MAGED1: variants seen among roughly 807,000 people sequenced by gnomAD.
The protein encoded by MAGED1 is melanoma-associated antigen D1.
MAGED1 carries 3 observed loss-of-function variants against 54.1 expected under a neutral mutation model. The ratio of observed to expected loss-of-function variants is 0.06; its 90% CI spans 0.03 to 0.14. The LOEUF is 0.14. MAGED1 is among the 10% of genes least tolerant of loss of function. The pLI is 1.00. For missense variants in MAGED1, 485 were observed against 623.4 expected, an observed-to-expected ratio of 0.78 and a Z score of 2.36; for synonymous variants, 217 against 227.3, an observed-to-expected ratio of 0.95 and a Z score of 0.41.
intron 3 of MAGED1, chrX:51,896,011 A>C: frequency 1.3e-5 from 5 of 395,370 alleles, no homozygotes; most frequent in Non-Finnish European, 2.2e-5. Context: ...ACCATGTGTT[A>C]AGCCTTGAGC....
intron 1 of MAGED1, among the ~76,000 whole-genome samples, chrX:51,849,332 G>A (rs1455064997): frequency 9.1e-6 from 1 of 110,340 alleles, no homozygotes; most frequent in Admixed American, 9.7e-5. Context: ...GTAGGGAAAG[G>A]CCTCTTATTC....
Position 51,898,807 on chromosome X carries a change from A to G in MAGED1, c.1844+164A>G, listed in dbSNP as rs1393836683. The G allele has an allele frequency of 3.8e-5, 16 of 417,507 alleles. No individual in the cohort carries two copies. The Admixed American group carries it at 7.6e-4, about 20-fold the overall frequency. The allele number at this position is 417,507 out of a possible 1,213,427, so 34.4% of individuals were successfully genotyped here. A position where few individuals can be genotyped will look rare whatever the true frequency, so the allele number is the denominator to read the frequency against. On this transcript the variant is annotated intron_variant, in intron 10 of 12. Coordinates refer to ENST00000326587, the MANE Select transcript of MAGED1 (RefSeq NM_006986.4). ...CGCTTGAGCCCAGGAGTTCAAGACC[A>G]GCCTGGGCAACATAACGAAACCCCA...
rs1270540597 is a variant in MAGED1 at position 51,833,283 on chromosome X, G to A, written c.-37+30166G>A. On this transcript the variant is annotated intron_variant, in intron 1 of 12. Transcript: ENST00000375772. Reference sequence around the variant, plus strand: ...TTTTTTTTTCTACAGGAATAAGGTAGTGGAATTGCTCTCTGATACCCTAAG... The same window carrying A: ...TTTTTTTTTCTACAGGAATAAGGTAATGGAATTGCTCTCTGATACCCTAAG... 1.0e-4 allele frequency among the ~76,000 whole-genome samples: 11 copies of A among 108,971 alleles called. No individual in the cohort carries two copies. In the Admixed American group the frequency reaches 1.1e-3, roughly 11 times the overall value. 94.6% of individuals were successfully genotyped at this position (108,971 alleles called of 115,157 possible). A position where few individuals can be genotyped will look rare whatever the true frequency, so the allele number is the denominator to read the frequency against.
At chrX:51,860,259 C>T (rs1424965946) in intron 1 of MAGED1, among the ~76,000 whole-genome samples, 2 of 109,852 alleles carry the variant, frequency 1.8e-5, no homozygotes, top group Admixed American at 9.7e-5. Flanking sequence ...AGTGAGACTC[C>T]GTCTCAAAAA....
intron 10 of MAGED1, 110 bp from the exon 11 acceptor site, chrX:51,900,072 C>T: frequency 1.9e-6 from 1 of 518,276 alleles, no homozygotes. Flanking sequence ...GGAATGAGCC[C>T]AAGGGGGAGT....
intron 2 of MAGED1, chrX:51,894,669 C>T (rs1928626742): frequency 1.7e-6 from 2 of 1,184,317 alleles, no homozygotes; most frequent in Non-Finnish European, 2.3e-6. Flanking sequence ...CCTCCCCCAG[C>T]CTCCTGCCTC....
At position 51,819,965 on chromosome X, in the gene MAGED1, T is replaced by G. The variant is rs891268768; in HGVS notation, c.-37+16848T>G. On this transcript the variant is annotated intron_variant, in intron 1 of 12. Coordinates refer to the MAGED1 transcript ENST00000375772. Reference sequence around the variant, plus strand: ...GTAAATCTTTGATCTCTTTTGAGTTTATTTTTGTATGTGGTGTGAGATAGG... The same window carrying G: ...GTAAATCTTTGATCTCTTTTGAGTTGATTTTTGTATGTGGTGTGAGATAGG... 2.7e-5 allele frequency among the ~76,000 whole-genome samples: 3 copies of G among 112,160 alleles called. No individual in the cohort carries two copies. In the East Asian group the frequency reaches 8.4e-4, roughly 31 times the overall value.
At chrX:51,864,409 A>G (rs1927392354) in intron 1 of MAGED1, among the ~76,000 whole-genome samples, 1 of 111,484 alleles carries the variant, frequency 9.0e-6, no homozygotes, top group African/African-American at 3.3e-5. Context: ...TGCCAGTACC[A>G]TGTTGTTTTG....
chrX:51,896,994 A>C lies in MAGED1; in HGVS notation c.1339A>C (p.Asn447His), dbSNP rs1928786571. The part of the protein sequence containing the change: ...PDWQNLRPSP[N>H]LRPSPNSRAS... ...CTGGCAGAACCTGCGCCCCTCGCCT[A>C]ACCTGCGCCCTTCTCCCAACTCGCG... Residue 447 changes from asparagine to histidine, a missense_variant, in exon 4 of 13, where the codon AAC becomes CAC. Physicochemically the swap from Asn to His is moderately conservative, Grantham distance 68. Around this residue, in one of 2 missense-constraint regions of MAGED1, gnomAD observed 186 missense variants for 330.3 expected, o/e 0.56. Transcript: ENST00000326587. 2.5e-6 allele frequency: 3 copies of C among 1,211,327 alleles called. No homozygotes were observed.
intron 1 of MAGED1, among the ~76,000 whole-genome samples, chrX:51,836,796 G>A (rs1413030880): frequency 9.1e-6 from 1 of 110,264 alleles, no homozygotes; most frequent in Admixed American, 9.7e-5. Flanking sequence ...GGATGGTCTC[G>A]AACTCCTGAT....
intron 1 of MAGED1, among the ~76,000 whole-genome samples, chrX:51,852,774 T>C (rs1346859814): frequency 3.6e-5 from 4 of 111,834 alleles, no homozygotes; most frequent in African/African-American, 1.3e-4. Context: ...TCTTTCTGAG[T>C]TTCCTTTTGT....
intron 1 of MAGED1, among the ~76,000 whole-genome samples, chrX:51,832,969 C>G (rs1557357589): frequency 1.8e-5 from 2 of 111,646 alleles, no homozygotes; most frequent in Non-Finnish European, 1.9e-5. Flanking sequence ...AAAATTTCAG[C>G]ACCAACATAG....
chrX:51,876,224 G>A (rs1232291082), intron 1 of MAGED1, among the ~76,000 whole-genome samples: 7 of 110,504 alleles, frequency 6.3e-5, no homozygotes, highest in African/African-American at 2.3e-4. Flanking sequence ...ATCATGGATG[G>A]TCTTTCTTTC....
chrX:51,847,558 A>G (rs1191294295), intron 1 of MAGED1, among the ~76,000 whole-genome samples: 1 of 95,324 alleles, frequency 1.0e-5, no homozygotes, highest in Non-Finnish European at 2.2e-5. Context: ...GGTGAAAAGG[A>G]AAAAAAAAAA....
chrX:51,826,222 C>T (rs1381567857), intron 1 of MAGED1, among the ~76,000 whole-genome samples: 1 of 112,279 alleles, frequency 8.9e-6, no homozygotes, highest in Non-Finnish European at 1.9e-5. Context: ...TTAGATGTCT[C>T]TTTGGGGAGG....
chrX:51,873,035 C>A (rs1486682762), intron 1 of MAGED1, among the ~76,000 whole-genome samples: 6 of 101,226 alleles, frequency 5.9e-5, no homozygotes, highest in Non-Finnish European at 1.2e-4. Context: ...AACTTGCTTT[C>A]TTTCATTGTC....
chrX:51,840,800 T>G (rs1484328821), intron 1 of MAGED1, among the ~76,000 whole-genome samples: 4 of 110,463 alleles, frequency 3.6e-5, no homozygotes, highest in Non-Finnish European at 7.6e-5. Flanking sequence ...TTCCATGGTG[T>G]ATATGTGCCA....
At chrX:51,838,769 T>A (rs1303788085) in intron 1 of MAGED1, among the ~76,000 whole-genome samples, 1 of 111,857 alleles carries the variant, frequency 8.9e-6, no homozygotes, top group Non-Finnish European at 1.9e-5. Context: ...CTCAGTGGCA[T>A]ACATTGACCT....
intron 1 of MAGED1, among the ~76,000 whole-genome samples, chrX:51,882,329 A>G (rs1289053294): frequency 8.9e-6 from 1 of 111,917 alleles, no homozygotes. Flanking sequence ...AGAAATCACA[A>G]TAGATTTTTA....
Sources: gnomAD v4.1 joint callset for allele counts (sites outside exome capture counted in the v4.1 genomes callset) on GRCh38, gnomAD v4.1.1 for gene constraint, gnomAD v4.1.1 regional missense constraint, MANE v1.5 for transcripts, NCBI Gene and HGNC (gene_info 2026-07-23, HGNC 2026-07-21) for gene names.